DCAKD: variants seen among roughly 807,000 people sequenced by gnomAD.
DCAKD encodes the protein dephospho-CoA kinase domain containing.
DCAKD carries 15 observed loss-of-function variants against 18.7 expected under a neutral mutation model. The ratio of observed to expected loss-of-function variants is 0.80; its 90% CI spans 0.54 to 1.24. DCAKD has a LOEUF of 1.24. DCAKD is among the 50% of genes most tolerant of loss of function. DCAKD has a pLI of 0.00. For synonymous variants in DCAKD, 130 were observed against 133.0 expected, an observed-to-expected ratio of 0.98 and a Z score of 0.16; for missense variants, 301 against 322.0, an observed-to-expected ratio of 0.93 and a Z score of 0.50.
At chr17:45,056,045 C>T (rs1403356335), upstream of DCAKD, among the ~76,000 whole-genome samples, 2 of 151,844 alleles carry the variant, frequency 1.3e-5, no homozygotes, top group African/African-American at 2.4e-5. Context: ...ATCCCAGCTA[C>T]TCAGGAGGCT....
chr17:45,042,307 CT>C (rs1019276761), intron 1 of DCAKD, among the ~76,000 whole-genome samples: 2 of 151,854 alleles, frequency 1.3e-5, no homozygotes, highest in Admixed American at 6.6e-5. Flanking sequence ...GTTCATGTGA[CT>C]TTTTTTTTCT....
chr17:45,048,657 T>C (rs796980315), intron 1 of DCAKD, among the ~76,000 whole-genome samples: 6 of 140,192 alleles, frequency 4.3e-5, no homozygotes, highest in African/African-American at 1.6e-4. Flanking sequence ...AAAACAAAAA[T>C]TAGCCAGGCG....
rs957933737 is a variant in DCAKD, at chr17:45,045,907, C to T, written c.-115+5454G>A. On this transcript the variant is annotated intron_variant, in intron 1 of 4. Coordinates refer to ENST00000651974, the MANE Select transcript of DCAKD (RefSeq NM_001288655.2). ...ATGGTGCGGTTTTGGCTTACTGCAA[C>T]CTCTACCTCCTGGGTTAAAGCGATT... Among the ~76,000 whole-genome samples the T allele has an allele frequency of 3.3e-5, 5 of 151,988 alleles. No homozygotes were observed. The South Asian group carries it at 1.0e-3, about 32-fold the overall frequency.
Position 45,024,329 on chromosome 17 carries a change from GTGTGTGTGTGGGGA to G in DCAKD, c.*90_*103del. On this transcript the variant is annotated 3_prime_UTR_variant, in exon 5 of 5. Transcript: ENST00000651974. ...TGTGTGTGTGTGTGTGTGTGTGTGT[GTGTGTGTGTGGGGA>G]GGGGGCTGAGAGGAAACAGGATGTG... 2.4e-5 allele frequency: 3 copies of G among 126,128 alleles called. No homozygotes were observed. Among genetic ancestry groups the G allele is most frequent in the Non-Finnish European group, 1.2e-5 (1 of 84,524 alleles). The allele number at this position is 126,128 out of a possible 1,614,324, so 7.8% of individuals were successfully genotyped here. A position where few individuals can be genotyped will look rare whatever the true frequency, so the allele number is the denominator to read the frequency against.
At chr17:45,026,838 T>C (rs1329939691) in intron 4 of DCAKD, 2 of 985,080 alleles carry the variant, frequency 2.0e-6, no homozygotes, top group African/African-American at 3.5e-5. Flanking sequence ...GAGAATCTAG[T>C]GTGAGATTAG....
At chr17:45,033,983 T>C (rs1270030678) in intron 3 of DCAKD, 2 of 1,589,174 alleles carry the variant, frequency 1.3e-6, no homozygotes, top group Admixed American at 3.4e-5. Flanking sequence ...CTCATTAAAC[T>C]GTCAGCCTCC....
rs57106886 is a variant in DCAKD at position 45,049,713 on chromosome 17, CTTTTTT to C, written c.-115+1642_-115+1647del. 3.1e-3 allele frequency among the ~76,000 whole-genome samples: 349 copies of C among 111,856 alleles called. 4 individuals are homozygous for C. The highest frequency in any genetic ancestry group is 0.013 in the Middle Eastern group (2 of 152). 73.4% of individuals were successfully genotyped at this position (111,856 alleles called of 152,430 possible). A position where few individuals can be genotyped will look rare whatever the true frequency, so the allele number is the denominator to read the frequency against. On this transcript the variant is annotated intron_variant, in intron 1 of 4. Transcript: ENST00000651974. ...AGCAGGTAATTTTCTTTTTCTTTTC[CTTTTTT>C]TTTTTTTTTTTTTTTTTGAAACAGA...
intron 4 of DCAKD, chr17:45,026,806 G>T (rs2053065278): frequency 1.0e-6 from 1 of 985,298 alleles, no homozygotes; most frequent in Non-Finnish European, 1.2e-6. Context: ...CTTCATCAGG[G>T]AGACCACATA....
intron 4 of DCAKD, among the ~76,000 whole-genome samples, chr17:45,029,718 AC>A (rs2053135952): frequency 6.6e-6 from 1 of 152,004 alleles, no homozygotes; most frequent in South Asian, 2.1e-4. Context: ...GAATATCAAC[AC>A]CTGTCCTGAC....
intron 1 of DCAKD, among the ~76,000 whole-genome samples, chr17:45,057,961 A>G (rs2053803256): frequency 7.1e-6 from 1 of 140,438 alleles, no homozygotes. Context: ...CAATGAGTCG[A>G]GATTGTGCCA....
At chr17:45,047,330 G>A (rs1356217336) in intron 1 of DCAKD, among the ~76,000 whole-genome samples, 1 of 151,904 alleles carries the variant, frequency 6.6e-6, no homozygotes, top group Non-Finnish European at 1.5e-5. Context: ...TGTCTAGGCT[G>A]GAATGCAGTG....
At chr17:45,033,809 T>G in intron 3 of DCAKD, 1 of 1,120,764 alleles carries the variant, frequency 8.9e-7, no homozygotes. Flanking sequence ...AAAAATGAGC[T>G]GAGGGCGAGA....
chr17:45,028,287 T>G (rs2053099940), intron 4 of DCAKD, among the ~76,000 whole-genome samples: 1 of 151,484 alleles, frequency 6.6e-6, no homozygotes, highest in Admixed American at 6.6e-5. Flanking sequence ...TTTTTTTGTA[T>G]TTTTAGTAGA....
chr17:45,028,536 A>C (rs2053106715), intron 4 of DCAKD, among the ~76,000 whole-genome samples: 1 of 150,940 alleles, frequency 6.6e-6, no homozygotes, highest in African/African-American at 2.4e-5. Context: ...CAGCCTCCCA[A>C]GTAGCTGGGA....
At chr17:45,056,101 G>A (rs1053271808), upstream of DCAKD, among the ~76,000 whole-genome samples, 4 of 151,064 alleles carry the variant, frequency 2.6e-5, no homozygotes, top group African/African-American at 9.8e-5. Context: ...GTTGCAGTGA[G>A]GAGAGATTGC....
At chr17:45,030,858 C>G (rs767865854) in intron 3 of DCAKD, 24 of 532,232 alleles carry the variant, frequency 4.5e-5, no homozygotes, top group Non-Finnish European at 5.3e-5. Context: ...ATGCCTAAAA[C>G]TGTATTACAC....
intron 3 of DCAKD, chr17:45,033,890 C>A: frequency 7.4e-7 from 1 of 1,347,050 alleles, no homozygotes; most frequent in Admixed American, 2.8e-5. Flanking sequence ...CTCCATTATT[C>A]ACCAGCTCTT....
intron 4 of DCAKD, 122 bp downstream of exon 4, chr17:45,029,970 T>C: frequency 1.2e-6 from 1 of 864,122 alleles, no homozygotes; most frequent in South Asian, 1.4e-5. Flanking sequence ...TGAGCACTGC[T>C]GCCCAAACCC....
upstream of DCAKD, among the ~76,000 whole-genome samples, chr17:45,053,169 T>TAAAA (rs760029893): frequency 1.3e-3 from 101 of 75,740 alleles, no homozygotes; most frequent in South Asian, 4.3e-3. Flanking sequence ...TGTCTCCAGT[T>TAAAA]AAAAAAAAAA....
Sources: gnomAD v4.1 joint callset for allele counts (sites outside exome capture counted in the v4.1 genomes callset) on GRCh38, gnomAD v4.1.1 for gene constraint, MANE v1.5 for transcripts, NCBI Gene and HGNC (gene_info 2026-07-23, HGNC 2026-07-21) for gene names.